Variants in CRPPA observed in about 807,000 individuals in gnomAD.
CRPPA encodes CDP-L-ribitol pyrophosphorylase A, also known as D-ribitol-5-phosphate cytidylyltransferase.
A neutral mutation model predicts 52.0 loss-of-function variants in CRPPA; 43 were observed. The observed-to-expected ratio is 0.83, with a 90% CI of 0.65 to 1.07. The LOEUF (loss-of-function observed/expected upper bound fraction) is 1.07. CRPPA is among the 50% of genes least tolerant of loss of function. The probability of loss-of-function intolerance (pLI) is 0.00; values close to 1 mark genes in which losing one functional copy is unlikely to be tolerated. For missense variants in CRPPA, 629 were observed against 551.7 expected, an observed-to-expected ratio of 1.14 and a Z score of -1.40; for synonymous variants, 250 against 203.5, an observed-to-expected ratio of 1.23 and a Z score of -1.94.
chr7:16,136,689 T>A (rs969095182), intron 9 of CRPPA, among the ~76,000 whole-genome samples: 3 of 152,220 alleles, frequency 2.0e-5, no homozygotes, highest in African/African-American at 4.8e-5. Flanking sequence ...GTTAAGTATG[T>A]GGATATAAGA....
intron 7 of CRPPA, 117 bp downstream of exon 7, chr7:16,258,803 C>T: frequency 1.6e-6 from 1 of 610,666 alleles, no homozygotes; most frequent in Non-Finnish European, 2.7e-6. Flanking sequence ...ATAAAATCTC[C>T]AAAAATGTGT....
chr7:16,287,155 G>T (rs767520348), intron 5 of CRPPA, among the ~76,000 whole-genome samples: 1 of 152,026 alleles, frequency 6.6e-6, no homozygotes, highest in Non-Finnish European at 1.5e-5. Context: ...ATCAATAAAA[G>T]GTGTCTATAA....
intron 3 of CRPPA, among the ~76,000 whole-genome samples, chr7:16,320,088 C>G (rs950651770): frequency 6.6e-6 from 1 of 152,138 alleles, no homozygotes; most frequent in Non-Finnish European, 1.5e-5. Context: ...CTTCATTTGT[C>G]ATTGTCACCT....
chr7:16,383,779 G>A (rs145863977), intron 2 of CRPPA, among the ~76,000 whole-genome samples: 42 of 152,376 alleles, frequency 2.8e-4, no homozygotes, highest in African/African-American at 1.0e-3. Flanking sequence ...GAGACTCCAT[G>A]GGCGTAGGAC....
chr7:16,135,832 T>C (rs1782753403), intron 9 of CRPPA, among the ~76,000 whole-genome samples: 2 of 152,188 alleles, frequency 1.3e-5, no homozygotes, highest in African/African-American at 2.4e-5. Flanking sequence ...CATGAAAAAC[T>C]ATTTCCATAC....
chr7:16,193,152 T>C (rs10252387), intron 9 of CRPPA, among the ~76,000 whole-genome samples: 4,299 of 152,266 alleles, frequency 0.028, 201 homozygotes, highest in African/African-American at 0.098. Context: ...ACTGTTATCC[T>C]GTCAATCCAT....
chr7:16,213,988 G>C (rs1417139526), intron 9 of CRPPA, among the ~76,000 whole-genome samples: 1 of 152,074 alleles, frequency 6.6e-6, no homozygotes. Flanking sequence ...TTTTACATGA[G>C]TTACTGAGCA....
intron 9 of CRPPA, among the ~76,000 whole-genome samples, chr7:16,204,713 C>T (rs1781930463): frequency 6.6e-6 from 1 of 152,256 alleles, no homozygotes. Context: ...AGTCAAACTA[C>T]AGAATTTTGA....
At chr7:16,274,208 C>G (rs1022939168) in intron 6 of CRPPA, among the ~76,000 whole-genome samples, 1 of 152,034 alleles carries the variant, frequency 6.6e-6, no homozygotes, top group African/African-American at 2.4e-5. Context: ...CACCACCACG[C>G]CCAGCTAATT....
chr7:16,389,895 G>A (rs1787389469), intron 2 of CRPPA, among the ~76,000 whole-genome samples: 1 of 69,284 alleles, frequency 1.4e-5, no homozygotes, highest in Non-Finnish European at 2.5e-5. Flanking sequence ...CAAGGATACA[G>A]AGAACAAGCC....
intron 6 of CRPPA, among the ~76,000 whole-genome samples, chr7:16,262,522 G>T (rs1783836543): frequency 6.6e-6 from 1 of 152,146 alleles, no homozygotes; most frequent in South Asian, 2.1e-4. Flanking sequence ...TTTGGGAGAA[G>T]GAAGAGGTCT....
chr7:16,379,793 C>T (rs1787023988), intron 2 of CRPPA, among the ~76,000 whole-genome samples: 1 of 152,118 alleles, frequency 6.6e-6, no homozygotes, highest in Admixed American at 6.5e-5. Flanking sequence ...CTCTGTTTGT[C>T]TGTTATTGAT....
At chr7:16,299,075 T>A (rs1259769048) in intron 5 of CRPPA, among the ~76,000 whole-genome samples, 1 of 152,220 alleles carries the variant, frequency 6.6e-6, no homozygotes, top group African/African-American at 2.4e-5. Flanking sequence ...TATCTATATC[T>A]CTGTACATCC....
At chr7:16,366,361 G>C (rs1235099100) in intron 3 of CRPPA, among the ~76,000 whole-genome samples, 1 of 152,076 alleles carries the variant, frequency 6.6e-6, no homozygotes, top group Non-Finnish European at 1.5e-5. Flanking sequence ...ATCCTCACTA[G>C]CAATGTAGTT....
intron 3 of CRPPA, among the ~76,000 whole-genome samples, chr7:16,325,223 G>A (rs531678354): frequency 7.9e-5 from 12 of 152,308 alleles, no homozygotes; most frequent in African/African-American, 2.6e-4. Context: ...GAGAAAGGAA[G>A]TCAAACCTTA....
At chr7:16,183,583 A>G (rs1781451685) in intron 9 of CRPPA, among the ~76,000 whole-genome samples, 1 of 152,182 alleles carries the variant, frequency 6.6e-6, no homozygotes, top group Non-Finnish European at 1.5e-5. Flanking sequence ...CCTTATAACT[A>G]TAACTAGTGA....
At chr7:16,364,413 G>A (rs12671166) in intron 3 of CRPPA, among the ~76,000 whole-genome samples, 148,976 of 152,334 alleles carry the variant, frequency 0.98, 72,879 homozygotes, top group East Asian at 1. Context: ...TTTGTGCCAG[G>A]CAGATAAGGA....
chr7:16,374,341 G>C (rs1423979653), intron 3 of CRPPA, among the ~76,000 whole-genome samples: 2 of 152,102 alleles, frequency 1.3e-5, no homozygotes, highest in Admixed American at 6.5e-5. Context: ...GCCTTTGAAG[G>C]CTGCACTCTC....
At chr7:16,151,747 ATTAG>A (rs915557578) in intron 9 of CRPPA, among the ~76,000 whole-genome samples, 42 of 152,152 alleles carry the variant, frequency 2.8e-4, no homozygotes, top group African/African-American at 7.5e-4. Flanking sequence ...TTTACCATAT[ATTAG>A]TTAGATTATT....
Sources: gnomAD v4.1 joint callset for allele counts (sites outside exome capture counted in the v4.1 genomes callset) on GRCh38, gnomAD v4.1.1 for gene constraint, MANE v1.5 for transcripts, NCBI Gene and HGNC (gene_info 2026-07-23, HGNC 2026-07-21) for gene names.